BCAR3: variants seen among roughly 807,000 people sequenced by gnomAD.
BCAR3 encodes breast cancer anti-estrogen resistance protein 3.
In BCAR3, 37 loss-of-function variants were observed where a neutral mutation model predicts 80.1. That is an observed-to-expected ratio of 0.46 (90% CI 0.36 to 0.61). The LOEUF (loss-of-function observed/expected upper bound fraction) is 0.61. Ranked by LOEUF, BCAR3 falls within the 20% of genes least tolerant of loss-of-function variation. The pLI is 0.00. For synonymous variants in BCAR3, 389 were observed against 418.9 expected, an observed-to-expected ratio of 0.93 and a Z score of 0.87; for missense variants, 978 against 1,068.2, an observed-to-expected ratio of 0.92 and a Z score of 1.18.
At chr1:93,747,125 C>T (rs1651386091) in intron 2 of BCAR3, among the ~76,000 whole-genome samples, 1 of 152,164 alleles carries the variant, frequency 6.6e-6, no homozygotes, top group Non-Finnish European at 1.5e-5. Flanking sequence ...GAAGTCTCCA[C>T]CTTAAGAGTT....
At chr1:93,709,327 C>T (rs1393543532) in intron 2 of BCAR3, among the ~76,000 whole-genome samples, 1 of 152,252 alleles carries the variant, frequency 6.6e-6, no homozygotes, top group Non-Finnish European at 1.5e-5. Context: ...ATCTCTTCTT[C>T]TTCCTGTCCC....
intron 2 of BCAR3, among the ~76,000 whole-genome samples, chr1:93,735,888 G>A (rs1650956285): frequency 6.6e-6 from 1 of 152,218 alleles, no homozygotes; most frequent in African/African-American, 2.4e-5. Context: ...TCTGCAGGCA[G>A]AGCAGAGAAA....
chr1:93,767,245 G>A (rs544818377), intron 2 of BCAR3, among the ~76,000 whole-genome samples: 1 of 152,094 alleles, frequency 6.6e-6, no homozygotes, highest in Non-Finnish European at 1.5e-5. Flanking sequence ...CTTTTTGGCT[G>A]GGTAGGGTGG....
At chr1:93,735,204 G>A (rs1478852896) in intron 2 of BCAR3, among the ~76,000 whole-genome samples, 1 of 152,214 alleles carries the variant, frequency 6.6e-6, no homozygotes, top group Non-Finnish European at 1.5e-5. Context: ...CCTCTGGCCT[G>A]GTCAGAATTG....
At chr1:93,623,815 T>C (rs1011529599) in intron 3 of BCAR3, among the ~76,000 whole-genome samples, 2 of 152,210 alleles carry the variant, frequency 1.3e-5, no homozygotes, top group Non-Finnish European at 2.9e-5. Flanking sequence ...TGTTGGAGAT[T>C]ATGTGTATAA....
At chr1:93,606,132 C>T (rs541350262) in intron 3 of BCAR3, among the ~76,000 whole-genome samples, 2 of 152,318 alleles carry the variant, frequency 1.3e-5, no homozygotes, top group African/African-American at 4.8e-5. Context: ...ATACAACTCA[C>T]AGGTCACTTT....
At position 93,643,758 on chromosome 1, in the gene BCAR3, A is replaced by G. The variant is rs150650077; in HGVS notation, c.318-1415T>C. Among the ~76,000 whole-genome samples the G allele has an allele frequency of 3.4e-4, 51 of 152,238 alleles. 1 individual carries two copies. The South Asian group carries it at 5.6e-3, about 17-fold the overall frequency. On this transcript the variant is annotated intron_variant, in intron 2 of 11. Coordinates refer to ENST00000260502, the MANE Select transcript of BCAR3 (RefSeq NM_003567.4). Reference sequence around the variant, plus strand: ...GTAATACAATTGTACTGTATATGGGATTCATGCTGAGTAGATTTCAACTGA... The same window carrying G: ...GTAATACAATTGTACTGTATATGGGGTTCATGCTGAGTAGATTTCAACTGA...
intron 2 of BCAR3, among the ~76,000 whole-genome samples, chr1:93,790,634 ATT>A (rs67196746): frequency 1.9e-3 from 203 of 107,412 alleles, no homozygotes; most frequent in South Asian, 6.9e-3. Flanking sequence ...TTTTGTATTC[ATT>A]TTTTTTTTTT....
intron 2 of BCAR3, 22 bp downstream of exon 2, chr1:93,674,592 C>T: frequency 1.2e-6 from 2 of 1,608,968 alleles, no homozygotes; most frequent in Non-Finnish European, 1.7e-6. Context: ...ATCATCTTCA[C>T]TAGTGAAATT....
At chr1:93,652,389 C>T (rs1365161339) in intron 2 of BCAR3, among the ~76,000 whole-genome samples, 2 of 152,226 alleles carry the variant, frequency 1.3e-5, no homozygotes, top group African/African-American at 2.4e-5. Context: ...GCTGTGTCTA[C>T]TTCTTTCCCA....
At chr1:93,610,889 C>G (rs1443012384) in intron 3 of BCAR3, among the ~76,000 whole-genome samples, 1 of 151,996 alleles carries the variant, frequency 6.6e-6, no homozygotes, top group Non-Finnish European at 1.5e-5. Context: ...CGAGATCACG[C>G]CATTGCACTC....
rs765608888 is a variant in BCAR3 at position 93,582,582 on chromosome 1, G to A, written c.1405C>T (p.Arg469Trp). The A allele has an allele frequency of 8.1e-6, 13 of 1,613,226 alleles. No individual in the cohort carries two copies. Among genetic ancestry groups the A allele is most frequent in the South Asian group, 5.5e-5 (5 of 91,004 alleles). ...ATCAAGTAGTTGACGCCAGAGTTCC[G>A]GGGACCTGGCGCCTCATTCTGCTTG... ...TAKQNEAPGP[R>W]NSGVNYLILD... Residue 469 changes from arginine (R) to tryptophan (W), a missense_variant, in exon 7 of 12, where the codon CGG (arginine) becomes TGG (tryptophan). Physicochemically the swap from Arg to Trp is moderately radical, Grantham distance 101 (BLOSUM62 -3). Coordinates refer to ENST00000260502, the MANE Select transcript of BCAR3 (RefSeq NM_003567.4).
chr1:93,669,189 G>A (rs113600169), intron 2 of BCAR3, among the ~76,000 whole-genome samples: 27 of 152,170 alleles, frequency 1.8e-4, no homozygotes, highest in Non-Finnish European at 3.5e-4. Flanking sequence ...GTGTATTTGC[G>A]TGTCTGAGGG....
chr1:93,845,861 G>A (rs1655157485), intron 1 of BCAR3: 1 of 152,188 alleles, frequency 6.6e-6, no homozygotes, highest in Non-Finnish European at 1.5e-5. Context: ...CTGGGGTCCA[G>A]GGAGCCAACT....
intron 2 of BCAR3, among the ~76,000 whole-genome samples, chr1:93,732,396 C>T (rs1257249385): frequency 2.0e-5 from 3 of 152,182 alleles, no homozygotes; most frequent in South Asian, 4.1e-4. Flanking sequence ...TGGTACATCA[C>T]GTGAAGCCAG....
intron 3 of BCAR3, among the ~76,000 whole-genome samples, chr1:93,704,674 TG>T (rs1416532306): frequency 6.6e-6 from 1 of 152,158 alleles, no homozygotes; most frequent in Non-Finnish European, 1.5e-5. Context: ...GGCAGGAGTG[TG>T]GCATGATCTA....
chr1:93,727,081 T>C (rs1432575287), intron 2 of BCAR3, among the ~76,000 whole-genome samples: 1 of 152,256 alleles, frequency 6.6e-6, no homozygotes, highest in African/African-American at 2.4e-5. Flanking sequence ...CTCTTGTACA[T>C]GGTGGCTTTG....
rs1429241107 is a variant in BCAR3 at position 93,592,237 on chromosome 1, A to G, written c.486+28T>C. ...GTACATTGCCTGAGAGCAGCCGTGT[A>G]TGCTCTGGAAGGGACAAGACCAGGT... On this transcript the variant is annotated intron_variant, in intron 4 of 11. Transcript: ENST00000260502. The surrounding 1 kb of genome is among the most constrained non-coding windows in gnomAD (Gnocchi z 4.8). The G allele has an allele frequency of 1.2e-6, 2 of 1,612,872 alleles. No individual in the cohort carries two copies. The highest frequency in any genetic ancestry group is 1.7e-6 in the Non-Finnish European group (2 of 1,179,916).
At chr1:93,675,925 CAAAAAAAA>C (rs58706715) in intron 1 of BCAR3, among the ~76,000 whole-genome samples, 909 of 51,464 alleles carry the variant, frequency 0.018, 14 homozygotes, top group African/African-American at 0.043. Flanking sequence ...AAATAGGAGA[CAAAAAAAA>C]AAAAAAAAAA....
Sources: allele counts gnomAD v4.1 joint callset (sites outside exome capture counted in the v4.1 genomes callset), GRCh38; gene constraint gnomAD v4.1.1; non-coding constraint Gnocchi (gnomAD v3.1); transcripts MANE v1.5; gene names NCBI Gene and HGNC (gene_info 2026-07-23, HGNC 2026-07-21).